NKAIN3: variants seen among roughly 807,000 people sequenced by gnomAD.
NKAIN3 encodes sodium/potassium transporting ATPase interacting 3, also known as sodium/potassium-transporting ATPase subunit beta-1-interacting protein 3.
A neutral mutation model predicts 30.2 loss-of-function variants in NKAIN3; 25 were observed. That is an observed-to-expected ratio of 0.83 (90% confidence interval 0.60 to 1.16). The LOEUF is 1.16. Ranked by LOEUF, NKAIN3 falls within the 50% of genes most tolerant of loss-of-function variation. The pLI is 0.00. For synonymous variants in NKAIN3, 91 were observed against 89.6 expected, an observed-to-expected ratio of 1.02 and a Z score of -0.09; for missense variants, 225 against 254.1, an observed-to-expected ratio of 0.89 and a Z score of 0.78.
At chr8:62,928,446 T>C (rs747896789) in intron 5 of NKAIN3, among the ~76,000 whole-genome samples, 2 of 152,186 alleles carry the variant, frequency 1.3e-5, no homozygotes, top group Non-Finnish European at 2.9e-5. Flanking sequence ...AAACTCCTAC[T>C]GTTTCCCAAC....
chr8:62,965,253 C>G (rs1823677211), intron 6 of NKAIN3, 101 bp from the exon 7 acceptor site: 1 of 971,686 alleles, frequency 1.0e-6, no homozygotes, highest in South Asian at 4.8e-5. Context: ...ACCAGGTGCA[C>G]CCAGGAGCTA....
intron 1 of NKAIN3, among the ~76,000 whole-genome samples, chr8:62,579,189 ATAAT>A (rs1419686616): frequency 6.6e-6 from 1 of 152,028 alleles, no homozygotes; most frequent in Non-Finnish European, 1.5e-5. Flanking sequence ...TGTACCCCTC[ATAAT>A]TAAACATAAT....
In NKAIN3 at chr8:62,966,593, C is replaced by T. The variant is rs1823719753; in HGVS notation, c.*1186C>T. ...CCTTATGCCCTCTTTCAGGCAATGC[C>T]TACATTCTCACAGACAACCACTGTG... is the stretch of plus-strand genomic sequence containing the variant. On this transcript the variant is annotated 3_prime_UTR_variant, in exon 7 of 7. Coordinates refer to ENST00000623646, the MANE Select transcript of NKAIN3 (RefSeq NM_001304533.3). 2 of 156,444 alleles carry T rather than the reference C, an allele frequency of 1.3e-5. No individual in the cohort carries two copies. Among genetic ancestry groups the T allele is most frequent in the African/African-American group, 4.8e-5 (2 of 41,536 alleles). The allele number at this position is 156,444 out of a possible 1,614,324, so 9.7% of individuals were successfully genotyped here. A position where few individuals can be genotyped will look rare whatever the true frequency, so the allele number is the denominator to read the frequency against.
At chr8:62,872,524 C>T (rs1463262398) in intron 4 of NKAIN3, among the ~76,000 whole-genome samples, 1 of 152,258 alleles carries the variant, frequency 6.6e-6, no homozygotes, top group East Asian at 1.9e-4. Flanking sequence ...TGGACTCTCA[C>T]TGTTCATGTC....
intron 1 of NKAIN3, among the ~76,000 whole-genome samples, chr8:62,404,530 G>T (rs1307179315): frequency 6.6e-6 from 1 of 152,124 alleles, no homozygotes; most frequent in Admixed American, 6.5e-5. Context: ...TTTACAAGGG[G>T]CTTATGCATT....
chr8:62,282,431 A>G (rs984593808), intron 1 of NKAIN3, among the ~76,000 whole-genome samples: 1 of 152,078 alleles, frequency 6.6e-6, no homozygotes, highest in Non-Finnish European at 1.5e-5. Context: ...AAGTAACCTC[A>G]CTTTATTAGA....
At chr8:62,660,827 G>T (rs571021492) in intron 3 of NKAIN3, among the ~76,000 whole-genome samples, 1 of 152,200 alleles carries the variant, frequency 6.6e-6, no homozygotes, top group African/African-American at 2.4e-5. Flanking sequence ...CAAAGGAGAT[G>T]TCTGGGAGAC....
intron 3 of NKAIN3, among the ~76,000 whole-genome samples, chr8:62,601,209 A>T (rs1353216225): frequency 6.6e-6 from 1 of 152,058 alleles, no homozygotes; most frequent in African/African-American, 2.4e-5. Flanking sequence ...TTTTTATTTA[A>T]ACAAATACAA....
chr8:62,481,366 C>T (rs1408113355), intron 1 of NKAIN3, among the ~76,000 whole-genome samples: 2 of 152,162 alleles, frequency 1.3e-5, no homozygotes, highest in Admixed American at 1.3e-4. Context: ...TCAGGTGGCA[C>T]TTCCTCCGAG....
chr8:62,867,766 A>G (rs1424024982), intron 4 of NKAIN3, among the ~76,000 whole-genome samples: 1 of 152,262 alleles, frequency 6.6e-6, no homozygotes, highest in Non-Finnish European at 1.5e-5. Context: ...TTAAAGCAGC[A>G]TATGACATAT....
intron 3 of NKAIN3, among the ~76,000 whole-genome samples, chr8:62,704,411 A>G (rs1238604127): frequency 1.3e-5 from 2 of 152,088 alleles, no homozygotes; most frequent in African/African-American, 2.4e-5. Flanking sequence ...AAGGAGAGCT[A>G]TCTTCATCAT....
At chr8:62,799,068 A>C (rs1303162368) in intron 4 of NKAIN3, among the ~76,000 whole-genome samples, 2 of 152,182 alleles carry the variant, frequency 1.3e-5, no homozygotes, top group Non-Finnish European at 2.9e-5. Flanking sequence ...AGAGCTGGTT[A>C]AATGTTTTCT....
chr8:62,806,876 T>G (rs528923022), intron 4 of NKAIN3, among the ~76,000 whole-genome samples: 7 of 151,870 alleles, frequency 4.6e-5, no homozygotes, highest in African/African-American at 1.7e-4. Context: ...GATGTCTTGT[T>G]TATTTCCACT....
intron 3 of NKAIN3, among the ~76,000 whole-genome samples, chr8:62,643,482 C>T (rs191508557): frequency 1.3e-5 from 2 of 152,214 alleles, no homozygotes; most frequent in Admixed American, 1.3e-4. Context: ...ATCATAGGAG[C>T]TGCAAGAGTC....
At chr8:62,467,093 C>A (rs1806186989) in intron 1 of NKAIN3, among the ~76,000 whole-genome samples, 1 of 152,158 alleles carries the variant, frequency 6.6e-6, no homozygotes, top group African/African-American at 2.4e-5. Context: ...CTACAGCAAG[C>A]ACAGGAGCTT....
At chr8:62,345,748 G>T (rs1422235975) in intron 1 of NKAIN3, among the ~76,000 whole-genome samples, 2 of 151,444 alleles carry the variant, frequency 1.3e-5, no homozygotes, top group Non-Finnish European at 1.5e-5. Context: ...TCCAAATGGG[G>T]ATATCCTATA....
chr8:62,908,151 G>A (rs1255787213), intron 4 of NKAIN3, among the ~76,000 whole-genome samples: 2 of 152,172 alleles, frequency 1.3e-5, no homozygotes, highest in African/African-American at 2.4e-5. Flanking sequence ...GATCATTTTG[G>A]CGCTTACTGC....
chr8:62,888,481 T>C (rs570915899), intron 4 of NKAIN3, among the ~76,000 whole-genome samples: 5 of 152,122 alleles, frequency 3.3e-5, no homozygotes, highest in African/African-American at 7.2e-5. Flanking sequence ...TTCTACCCGG[T>C]TTAGGTTTCT....
At chr8:62,398,254 C>T (rs1000919478) in intron 1 of NKAIN3, among the ~76,000 whole-genome samples, 3 of 152,174 alleles carry the variant, frequency 2.0e-5, no homozygotes, top group Non-Finnish European at 4.4e-5. Flanking sequence ...TTTCTTGTGC[C>T]GGAGGCCATG....
Sources: allele counts gnomAD v4.1 joint callset (sites outside exome capture counted in the v4.1 genomes callset), GRCh38; gene constraint gnomAD v4.1.1; transcripts MANE v1.5; gene names NCBI Gene and HGNC (gene_info 2026-07-23, HGNC 2026-07-21).